The following ST8SIA6 variants were observed in gnomAD, a reference collection of about 807,000 sequenced individuals.
ST8SIA6 encodes ST8 alpha-N-acetyl-neuraminide alpha-2,8-sialyltransferase 6.
Under a neutral mutation model 33.6 loss-of-function variants are expected in ST8SIA6, and 39 were observed. The observed-to-expected ratio is 1.16, with a 90% CI of 0.90 to 1.52. The LOEUF (loss-of-function observed/expected upper bound fraction) is 1.52, where lower values mean the gene tolerates loss of function less well. Ranked by LOEUF, ST8SIA6 falls within the 40% of genes most tolerant of loss-of-function variation. ST8SIA6 has a pLI of 0.00. For synonymous variants in ST8SIA6, 172 were observed against 167.2 expected, an observed-to-expected ratio of 1.03 and a Z score of -0.22; for missense variants, 441 against 443.8, an observed-to-expected ratio of 0.99 and a Z score of 0.06.
At chr10:17,380,881 G>A (rs1191463811) in intron 3 of ST8SIA6, among the ~76,000 whole-genome samples, 8 of 150,936 alleles carry the variant, frequency 5.3e-5, no homozygotes, top group Admixed American at 1.3e-4. Flanking sequence ...ATGTGTACAC[G>A]TTTGTGTGTA....
intron 3 of ST8SIA6, among the ~76,000 whole-genome samples, chr10:17,376,215 TTTGAGCAGCAAG>T (rs1271681178): frequency 1.3e-5 from 2 of 152,184 alleles, no homozygotes; most frequent in Non-Finnish European, 2.9e-5. Context: ...GTAGCTACTC[TTTGAGCAGCAAG>T]ATGGTTGAAA....
At chr10:17,432,349 T>G (rs531089565) in intron 2 of ST8SIA6, among the ~76,000 whole-genome samples, 15 of 152,274 alleles carry the variant, frequency 9.9e-5, no homozygotes, top group Admixed American at 8.5e-4. Context: ...GAATAGATTC[T>G]GGAAGGGGAC....
At chr10:17,435,199 G>T (rs1852214572) in intron 2 of ST8SIA6, among the ~76,000 whole-genome samples, 1 of 152,170 alleles carries the variant, frequency 6.6e-6, no homozygotes, top group South Asian at 2.1e-4. Flanking sequence ...CTCTCAGTAT[G>T]GTATGTGGCT....
At chr10:17,447,452 A>G (rs1852758636) in intron 2 of ST8SIA6, among the ~76,000 whole-genome samples, 1 of 152,088 alleles carries the variant, frequency 6.6e-6, no homozygotes, top group South Asian at 2.1e-4. Flanking sequence ...ATACAAGGAA[A>G]GCTTTCATGA....
rs145920040 is a variant in ST8SIA6, at chr10:17,320,164, T to C, written c.*714A>G. On this transcript the variant is annotated 3_prime_UTR_variant, in exon 8 of 8. Transcript: ENST00000377602. ...AGACTGGGTATTGTAACTGTTCACG[T>C]CCTTGAAGTATATCGTATAAGTGAG... The C allele has an allele frequency of 6.6e-6, 1 of 152,296 alleles. No individual in the cohort carries two copies. The highest frequency in any genetic ancestry group is 1.5e-5 in the Non-Finnish European group (1 of 68,038). The allele number at this position is 152,296 out of a possible 1,614,324, so 9.4% of individuals were successfully genotyped here.
chr10:17,333,715 A>AT (rs1564405142), intron 4 of ST8SIA6, among the ~76,000 whole-genome samples: 11 of 35,402 alleles, frequency 3.1e-4, no homozygotes, highest in African/African-American at 4.4e-4. Context: ...ATATATATAT[A>AT]TATTTTTTTT....
chr10:17,440,304 C>T (rs540314538), intron 2 of ST8SIA6, among the ~76,000 whole-genome samples: 7 of 151,098 alleles, frequency 4.6e-5, no homozygotes, highest in Admixed American at 2.6e-4. Context: ...CTCCCGGGCT[C>T]AAGCAATTCT....
chr10:17,344,111 G>A (rs1350894104), intron 4 of ST8SIA6, among the ~76,000 whole-genome samples: 1 of 152,172 alleles, frequency 6.6e-6, no homozygotes, highest in African/African-American at 2.4e-5. Flanking sequence ...TAATAGCTGT[G>A]TGCTCTTAAT....
chr10:17,331,146 C>T (rs1407910836), intron 5 of ST8SIA6, among the ~76,000 whole-genome samples: 1 of 152,018 alleles, frequency 6.6e-6, no homozygotes. Context: ...GCAGGAAGCC[C>T]GAGTGTCTCA....
intron 5 of ST8SIA6, among the ~76,000 whole-genome samples, chr10:17,331,135 A>G (rs1848286014): frequency 6.6e-6 from 1 of 152,224 alleles, no homozygotes; most frequent in Non-Finnish European, 1.5e-5. Flanking sequence ...GTAATTACTA[A>G]GCAGGAAGCC....
intron 5 of ST8SIA6, among the ~76,000 whole-genome samples, chr10:17,330,197 T>A (rs1197816444): frequency 2.0e-5 from 3 of 152,152 alleles, no homozygotes; most frequent in Non-Finnish European, 4.4e-5. Flanking sequence ...GTTACATACA[T>A]AATTATCAGG....
chr10:17,357,144 T>C (rs1014475918), intron 4 of ST8SIA6, among the ~76,000 whole-genome samples: 5 of 151,288 alleles, frequency 3.3e-5, no homozygotes, highest in Admixed American at 6.6e-5. Context: ...TTTTTTTTTT[T>C]CTTTTGAGAC....
At chr10:17,390,734 T>C in intron 2 of ST8SIA6, 114 bp from the exon 3 acceptor site, 1 of 749,282 alleles carries the variant, frequency 1.3e-6, no homozygotes. Flanking sequence ...GTCTCATCTT[T>C]ACTCCATTAT....
chr10:17,363,901 T>A (rs17438092), intron 3 of ST8SIA6, among the ~76,000 whole-genome samples: 2,048 of 152,298 alleles, frequency 0.013, 23 homozygotes, highest in Non-Finnish European at 0.022. Context: ...TTGAGCTTCA[T>A]TGAGGCTTGC....
At chr10:17,425,221 A>G (rs765940403) in intron 2 of ST8SIA6, among the ~76,000 whole-genome samples, 1 of 152,142 alleles carries the variant, frequency 6.6e-6, no homozygotes. Context: ...GGATACATGT[A>G]TACCTATAGT....
chr10:17,379,503 T>C (rs1372011218), intron 3 of ST8SIA6, among the ~76,000 whole-genome samples: 1 of 152,250 alleles, frequency 6.6e-6, no homozygotes, highest in African/African-American at 2.4e-5. Context: ...GCAAACCTGC[T>C]TCCCATTCTA....
intron 2 of ST8SIA6, among the ~76,000 whole-genome samples, chr10:17,397,891 T>C (rs1850877104): frequency 6.6e-6 from 1 of 152,218 alleles, no homozygotes; most frequent in African/African-American, 2.4e-5. Flanking sequence ...GTTATCCACA[T>C]ATGGTTGATA....
At chr10:17,368,855 T>G (rs1275048133) in intron 3 of ST8SIA6, among the ~76,000 whole-genome samples, 2 of 152,130 alleles carry the variant, frequency 1.3e-5, no homozygotes, top group African/African-American at 2.4e-5. Context: ...GAGTCACTCA[T>G]GAATCCAGTC....
chr10:17,379,106 A>G (rs1588861436), intron 3 of ST8SIA6, among the ~76,000 whole-genome samples: 1 of 150,492 alleles, frequency 6.6e-6, no homozygotes, highest in South Asian at 2.1e-4. Flanking sequence ...AGCCTGGGTG[A>G]CAAGAGTGAG....
Sources: gnomAD v4.1 joint callset for allele counts (sites outside exome capture counted in the v4.1 genomes callset) on GRCh38, gnomAD v4.1.1 for gene constraint, MANE v1.5 for transcripts, NCBI Gene and HGNC (gene_info 2026-07-23, HGNC 2026-07-21) for gene names.